The following UNC5D variants were observed in gnomAD, a reference collection of about 807,000 sequenced individuals.
UNC5D encodes the protein netrin receptor UNC5D.
A neutral mutation model predicts 105.4 loss-of-function variants in UNC5D; 39 were observed. The ratio of observed to expected loss-of-function variants is 0.37; its 90% confidence interval spans 0.29 to 0.48. The LOEUF (loss-of-function observed/expected upper bound fraction) is 0.48, where lower values mean the gene tolerates loss of function less well. Ranked by LOEUF, UNC5D falls within the 20% of genes least tolerant of loss-of-function variation. The pLI is 0.98. For synonymous variants in UNC5D, 452 were observed against 450.4 expected (o/e 1.00, Z -0.04); for missense variants, 991 against 1,202.4 (o/e 0.82, Z 2.60).
intron 4 of UNC5D, among the ~76,000 whole-genome samples, chr8:35,666,418 G>A (rs1824427016): frequency 6.6e-6 from 1 of 151,656 alleles, no homozygotes; most frequent in Non-Finnish European, 1.5e-5. Context: ...GGAGGGGGCC[G>A]TGGAATGGAG....
intron 2 of UNC5D, among the ~76,000 whole-genome samples, chr8:35,565,411 G>A (rs1285203087): frequency 1.3e-5 from 2 of 151,932 alleles, no homozygotes; most frequent in African/African-American, 2.4e-5. Flanking sequence ...TGTGTTGTTC[G>A]TCTACTTTTT....
At chr8:35,529,037 A>G (rs1814118774) in intron 1 of UNC5D, among the ~76,000 whole-genome samples, 1 of 120,774 alleles carries the variant, frequency 8.3e-6, no homozygotes, top group African/African-American at 3.4e-5. Context: ...TGCTGTGCAG[A>G]AGCTCTTTAG....
In UNC5D at chr8:35,464,370, G is replaced by GATTCT. The variant is rs1809141752; in HGVS notation, c.104-84921_104-84917dup. On this transcript the variant is annotated intron_variant, in intron 1 of 16. Transcript: ENST00000404895. ...ATAAAAAAGAAAACAGTTGACTAAT[G>GATTCT]ATTCTCTTGCCAATAGTTTCAAACC... is the stretch of plus-strand genomic sequence containing the variant. 2.0e-5 allele frequency among the ~76,000 whole-genome samples: 3 copies of GATTCT among 152,122 alleles called. No homozygotes were observed. The South Asian group carries it at 6.2e-4, about 32-fold the overall frequency.
chr8:35,709,857 A>C, intron 8 of UNC5D, among the ~76,000 whole-genome samples: 1 of 152,174 alleles, frequency 6.6e-6, no homozygotes, highest in East Asian at 1.9e-4. Flanking sequence ...TCTGAGGGCC[A>C]AAAGGAGACC....
intron 1 of UNC5D, among the ~76,000 whole-genome samples, chr8:35,291,192 G>A (rs1807039085): frequency 6.6e-6 from 1 of 152,044 alleles, no homozygotes; most frequent in Non-Finnish European, 1.5e-5. Flanking sequence ...CTAACCACAT[G>A]GTACCTACAA....
intron 1 of UNC5D, among the ~76,000 whole-genome samples, chr8:35,281,639 C>T (rs1306085848): frequency 6.6e-6 from 1 of 152,140 alleles, no homozygotes; most frequent in African/African-American, 2.4e-5. Flanking sequence ...TGCTATGCTA[C>T]CTTCCCTGAA....
At chr8:35,737,605 G>A (rs887997485) in intron 11 of UNC5D, among the ~76,000 whole-genome samples, 4 of 152,248 alleles carry the variant, frequency 2.6e-5, no homozygotes, top group East Asian at 1.9e-4. Context: ...GCATGTGACC[G>A]TAATCTCATT....
At chr8:35,528,062 A>G (rs951614197) in intron 1 of UNC5D, among the ~76,000 whole-genome samples, 1 of 40,008 alleles carries the variant, frequency 2.5e-5, no homozygotes. Flanking sequence ...TTTTTTTTTT[A>G]TACTTTAAGT....
At chr8:35,751,690 G>A (rs982045044) in intron 13 of UNC5D, among the ~76,000 whole-genome samples, 67 of 152,152 alleles carry the variant, frequency 4.4e-4, no homozygotes, top group African/African-American at 1.5e-3. Context: ...AGCAAGAGCC[G>A]TGTTACTGTG....
intron 1 of UNC5D, chr8:35,525,200 C>T: frequency 6.2e-7 from 1 of 1,611,218 alleles, no homozygotes; most frequent in Non-Finnish European, 8.5e-7. Context: ...CAGCCTCCTT[C>T]TGTGGTTGCT....
intron 1 of UNC5D, among the ~76,000 whole-genome samples, chr8:35,339,888 CTG>C (rs1380486203): frequency 1.3e-5 from 2 of 152,180 alleles, no homozygotes; most frequent in Non-Finnish European, 2.9e-5. Flanking sequence ...CAAAAAGTAA[CTG>C]GGTGCCAGTG....
intron 1 of UNC5D, among the ~76,000 whole-genome samples, chr8:35,424,263 T>A (rs571229860): frequency 7.2e-5 from 11 of 152,336 alleles, no homozygotes; most frequent in Admixed American, 2.0e-4. Flanking sequence ...AATGTTTTAG[T>A]TATCACATTA....
At chr8:35,464,184 G>A (rs868817510) in intron 1 of UNC5D, among the ~76,000 whole-genome samples, 2 of 152,000 alleles carry the variant, frequency 1.3e-5, no homozygotes, top group Admixed American at 1.3e-4. Context: ...AAAATTAGCC[G>A]GGTATGGTGG....
chr8:35,577,284 C>T (rs1029267076), intron 3 of UNC5D, among the ~76,000 whole-genome samples: 1 of 152,190 alleles, frequency 6.6e-6, no homozygotes, highest in African/African-American at 2.4e-5. Context: ...CCTTTAATAA[C>T]AAATTCCTAG....
At chr8:35,724,289 T>C in intron 9 of UNC5D, 3 of 1,534,906 alleles carry the variant, frequency 2.0e-6, no homozygotes, top group Non-Finnish European at 2.6e-6. Flanking sequence ...AGAAAAATCC[T>C]TTGGTAAATG....
intron 14 of UNC5D, among the ~76,000 whole-genome samples, chr8:35,765,911 G>C (rs1164068473): frequency 6.6e-6 from 1 of 152,130 alleles, no homozygotes; most frequent in African/African-American, 2.4e-5. Flanking sequence ...AAAAAAGTGA[G>C]CGTGAGGATT....
chr8:35,323,843 G>C (rs554044925), intron 1 of UNC5D, among the ~76,000 whole-genome samples: 1 of 152,156 alleles, frequency 6.6e-6, no homozygotes, highest in East Asian at 1.9e-4. Context: ...GTCCTTGTTG[G>C]GCTTGCAGGT....
chr8:35,573,289 T>G (rs1224065490), intron 3 of UNC5D, among the ~76,000 whole-genome samples: 2 of 151,972 alleles, frequency 1.3e-5, no homozygotes, highest in African/African-American at 2.4e-5. Flanking sequence ...AGGCAAAAGG[T>G]TAGGTGAGCT....
intron 15 of UNC5D, among the ~76,000 whole-genome samples, chr8:35,770,595 A>G (rs978893521): frequency 2.0e-5 from 3 of 152,254 alleles, no homozygotes; most frequent in African/African-American, 7.2e-5. Context: ...CCAATATTCT[A>G]TAAAGCAACA....
Sources: gnomAD v4.1 joint callset for allele counts (sites outside exome capture counted in the v4.1 genomes callset) on GRCh38, gnomAD v4.1.1 for gene constraint, MANE v1.5 for transcripts, NCBI Gene and HGNC (gene_info 2026-07-23, HGNC 2026-07-21) for gene names.